Variants in MARK3 observed in about 807,000 individuals in gnomAD.
MARK3 encodes the protein microtubule affinity regulating kinase 3, also known as MAP/microtubule affinity-regulating kinase 3.
MARK3 carries 46 observed loss-of-function variants against 90.1 expected under a neutral mutation model. That is an observed-to-expected ratio of 0.51 (90% CI 0.40 to 0.65). MARK3 has a LOEUF of 0.65. MARK3 is among the 30% of genes least tolerant of loss of function. The pLI, the probability that MARK3 is intolerant of heterozygous loss-of-function variation, is 0.00. For synonymous variants in MARK3, 321 were observed against 332.6 expected (o/e 0.97, Z 0.38); for missense variants, 818 against 947.2 (o/e 0.86, Z 1.79).
intron 14 of MARK3, among the ~76,000 whole-genome samples, chr14:103,485,206 G>T (rs2141931928): frequency 1.3e-5 from 2 of 149,820 alleles, no homozygotes; most frequent in African/African-American, 4.9e-5. Flanking sequence ...CTCCAGCCTG[G>T]GCAACAAGAG....
intron 3 of MARK3, among the ~76,000 whole-genome samples, chr14:103,440,012 T>G (rs1009155609): frequency 6.6e-6 from 1 of 152,186 alleles, no homozygotes; most frequent in African/African-American, 2.4e-5. Context: ...CTCGAACTCC[T>G]GACTTCAAGT....
chr14:103,427,659 C>G (rs781530027), intron 2 of MARK3, among the ~76,000 whole-genome samples: 5 of 152,150 alleles, frequency 3.3e-5, no homozygotes, highest in Non-Finnish European at 5.9e-5. Context: ...TTTCCTGGAA[C>G]TGAAGGTCCC....
intron 5 of MARK3, among the ~76,000 whole-genome samples, chr14:103,453,853 T>C (rs992820701): frequency 2.0e-5 from 3 of 152,174 alleles, no homozygotes; most frequent in Admixed American, 6.5e-5. Flanking sequence ...TTTTTACCCA[T>C]GAGGAAATGG....
At chr14:103,394,931 C>T (rs533790456) in intron 1 of MARK3, among the ~76,000 whole-genome samples, 1 of 152,144 alleles carries the variant, frequency 6.6e-6, no homozygotes, top group Admixed American at 6.5e-5. Flanking sequence ...TACAGGCACC[C>T]GCCACCACGC....
chr14:103,419,539 CT>C (rs1377816024), intron 2 of MARK3, among the ~76,000 whole-genome samples: 3 of 152,104 alleles, frequency 2.0e-5, no homozygotes, highest in African/African-American at 7.2e-5. Context: ...CCTTTAATAT[CT>C]GGCTTAATAG....
rs185475525 is a variant in MARK3 at position 103,430,893 on chromosome 14, T to A, written c.297+2453T>A. On this transcript the variant is annotated intron_variant, in intron 3 of 17. Coordinates refer to ENST00000429436, the MANE Select transcript of MARK3 (RefSeq NM_001128918.3). ...TCTCCATTGTTTTTTAAGAGATGGG[T>A]CTTGCTCTGTTGTCCAGGCTGGACT... Among the ~76,000 whole-genome samples the A allele has an allele frequency of 1.4e-4, 22 of 152,286 alleles. No individual in the cohort carries two copies. The East Asian group carries it at 4.2e-3, about 29-fold the overall frequency.
rs886775423 is a variant in MARK3, at chr14:103,470,489, CTT to C, written c.1264+2304_1264+2305del. 1.0e-3 allele frequency among the ~76,000 whole-genome samples: 16 copies of C among 15,470 alleles called. No individual in the cohort carries two copies. The Admixed American group carries it at 0.014, about 14-fold the overall frequency. 10.1% of individuals were successfully genotyped at this position (15,470 alleles called of 152,430 possible). On this transcript the variant is annotated intron_variant, in intron 12 of 17. Coordinates refer to ENST00000429436, the MANE Select transcript of MARK3 (RefSeq NM_001128918.3). ...TTTTTTTTTGAGATGGAGTTTCACT[CTT>C]GTCACCCAGGCTGGAGTGCAATAGC...
At chr14:103,467,821 A>G (rs767874955) in intron 11 of MARK3, 1 of 425,676 alleles carries the variant, frequency 2.3e-6, no homozygotes, top group Non-Finnish European at 4.1e-6. Context: ...AAGCCTGGAA[A>G]GAAAATCATA....
At chr14:103,474,057 A>G (rs929237977) in intron 12 of MARK3, among the ~76,000 whole-genome samples, 5 of 151,774 alleles carry the variant, frequency 3.3e-5, no homozygotes, top group African/African-American at 1.2e-4. Flanking sequence ...ATATACAAAA[A>G]AAAAAAATTA....
At chr14:103,442,224 G>A (rs2092875514) in intron 3 of MARK3, among the ~76,000 whole-genome samples, 1 of 152,086 alleles carries the variant, frequency 6.6e-6, no homozygotes. Context: ...AAAAAAATTA[G>A]CTGGGCGTGG....
chr14:103,485,063 C>CAAAAAAA (rs34312214), intron 14 of MARK3, among the ~76,000 whole-genome samples: 11,771 of 97,310 alleles, frequency 0.12, 1,146 homozygotes, highest in Middle Eastern at 0.18. Context: ...ACTAAAAATA[C>CAAAAAAA]AAAAAAAAAA....
rs762368556 is a variant in MARK3 at position 103,465,682 on chromosome 14, G to A, written c.666G>A (p.Glu222=). The A allele has an allele frequency of 6.2e-7, 1 of 1,614,130 alleles. No homozygotes were observed. The highest frequency in any genetic ancestry group is 1.1e-5 in the South Asian group (1 of 91,084). Reference sequence around the variant, plus strand: ...GCAGTCCTCCATACGCAGCACCTGAGCTCTTCCAGGGCAAGAAATATGACG... The same window carrying A: ...GCAGTCCTCCATACGCAGCACCTGAACTCTTCCAGGGCAAGAAATATGACG... ...FCGSPPYAAP[E]LFQGKKYDGP... is the part of the protein sequence containing the mutation. Residue 222 remains glutamate, a synonymous_variant, in exon 8 of 18, where the codon GAG becomes GAA. Coordinates refer to ENST00000429436, the MANE Select transcript of MARK3 (RefSeq NM_001128918.3).
At chr14:103,421,691 T>C (rs138247956) in intron 2 of MARK3, among the ~76,000 whole-genome samples, 181 of 152,336 alleles carry the variant, frequency 1.2e-3, no homozygotes, top group African/African-American at 4.1e-3. Flanking sequence ...CATGTTCCAC[T>C]GTACTGCTGT....
chr14:103,411,327 C>T (rs1053570482), intron 2 of MARK3, among the ~76,000 whole-genome samples: 1 of 152,140 alleles, frequency 6.6e-6, no homozygotes, highest in African/African-American at 2.4e-5. Context: ...TCTAATACTC[C>T]TCCTATGGCT....
chr14:103,437,426 G>T (rs62007687), intron 3 of MARK3, among the ~76,000 whole-genome samples: 39,193 of 151,890 alleles, frequency 0.26, 6,268 homozygotes, highest in Middle Eastern at 0.43. Flanking sequence ...ACTGAGAATA[G>T]TAGAGTGTAT....
chr14:103,450,875 A>AGT (rs61183226), intron 4 of MARK3, among the ~76,000 whole-genome samples: 13,347 of 114,250 alleles, frequency 0.12, 727 homozygotes, highest in Non-Finnish European at 0.13. Context: ...TCATTTTTAA[A>AGT]GTGTGTGTGT....
rs10529756 is a variant in MARK3 at position 103,423,200 on chromosome 14, C to CT, written c.244-5173dup. Reference sequence around the variant, plus strand: ...TCTATCCCCCTAGAGGACTTGCAGTCTTTTTTTTTTTTTTGCCTCCTCTTT... The same window carrying CT: ...TCTATCCCCCTAGAGGACTTGCAGTCTTTTTTTTTTTTTTTGCCTCCTCTTT... On this transcript the variant is annotated intron_variant, in intron 2 of 17. Transcript: ENST00000429436. Among the ~76,000 whole-genome samples, 100 of 94,696 alleles carry CT rather than the reference C, an allele frequency of 1.1e-3. 12 individuals carry two copies. The highest frequency in any genetic ancestry group is 4.7e-3 in the South Asian group (10 of 2,112). 62.1% of individuals were successfully genotyped at this position (94,696 alleles called of 152,430 possible).
chr14:103,500,414 C>T (rs73359246), intron 17 of MARK3, among the ~76,000 whole-genome samples: 4,269 of 152,278 alleles, frequency 0.028, 219 homozygotes, highest in African/African-American at 0.097. Context: ...GTTCAAAGCA[C>T]GGCGAGGCCT....
At chr14:103,452,416 C>CT (rs1164403593) in intron 5 of MARK3, among the ~76,000 whole-genome samples, 2 of 150,370 alleles carry the variant, frequency 1.3e-5, no homozygotes, top group African/African-American at 4.9e-5. Flanking sequence ...CTTTCTGTCT[C>CT]TATGAATTTG....
Sources: gnomAD v4.1 joint callset for allele counts (sites outside exome capture counted in the v4.1 genomes callset) on GRCh38, gnomAD v4.1.1 for gene constraint, MANE v1.5 for transcripts, NCBI Gene and HGNC (gene_info 2026-07-23, HGNC 2026-07-21) for gene names.